Variants in KIF3B observed in about 807,000 individuals in gnomAD.
The protein encoded by KIF3B is kinesin family member 3B.
Under a neutral mutation model 74.3 loss-of-function variants are expected in KIF3B, and 38 were observed. The observed-to-expected ratio is 0.51, with a 90% confidence interval of 0.39 to 0.67. KIF3B has a LOEUF of 0.67. Among genes scored for constraint, KIF3B ranks in the 30% least tolerant of loss-of-function variants. The pLI, the probability that KIF3B is intolerant of heterozygous loss-of-function variation, is 0.00. For synonymous variants in KIF3B, 326 were observed against 342.5 expected (o/e 0.95, Z 0.53); for missense variants, 649 against 932.0 (o/e 0.70, Z 3.95).
intron 1 of KIF3B, among the ~76,000 whole-genome samples, chr20:32,287,434 A>T (rs962427324): frequency 2.5e-4 from 38 of 151,564 alleles, no homozygotes; most frequent in Non-Finnish European, 4.9e-4. Context: ...TGGTCCTTCC[A>T]CCTCAGCTTC....
chr20:32,281,383 C>T (rs1363331430), intron 1 of KIF3B, among the ~76,000 whole-genome samples: 1 of 152,164 alleles, frequency 6.6e-6, no homozygotes, highest in Non-Finnish European at 1.5e-5. Flanking sequence ...TTCCTGAGCA[C>T]CTAGAATGTG....
At chr20:32,318,149 A>C (rs1344511335) in intron 5 of KIF3B, among the ~76,000 whole-genome samples, 1 of 151,996 alleles carries the variant, frequency 6.6e-6, no homozygotes, top group Non-Finnish European at 1.5e-5. Flanking sequence ...TAAAAATCCA[A>C]AAATTAGCTG....
At chr20:32,327,395 T>C (rs573089399) in intron 6 of KIF3B, among the ~76,000 whole-genome samples, 161 bp from the exon 7 acceptor site, 2 of 152,258 alleles carry the variant, frequency 1.3e-5, no homozygotes, top group African/African-American at 4.8e-5. Context: ...CATGATGCTC[T>C]GAATCAGAAA....
At position 32,334,237 on chromosome 20, in the gene KIF3B, G is replaced by T. The variant is rs1339446034; in HGVS notation, c.*2918G>T. On this transcript the variant is annotated 3_prime_UTR_variant, in exon 9 of 9. Transcript: ENST00000375712. ...CTGGCTTCATATTTTCAAGTCACAT[G>T]TCTCTCAGACCCCTGGATTCAGAAC... 1 of 152,708 alleles carries T rather than the reference G, an allele frequency of 6.5e-6. No homozygotes were observed. The highest frequency in any genetic ancestry group is 1.5e-5 in the Non-Finnish European group (1 of 68,142). The allele number at this position is 152,708 out of a possible 1,614,324, so 9.5% of individuals were successfully genotyped here.
rs760030482 is a variant in KIF3B at position 32,331,205 on chromosome 20, T to C, written c.2148-18T>C. On this transcript the variant is annotated intron_variant, in intron 8 of 8. Coordinates refer to ENST00000375712, the MANE Select transcript of KIF3B (RefSeq NM_004798.4). The stretch of plus-strand genomic sequence containing the variant: ...GAGATGGGGACATGTAATATAAACA[T>C]GTGTTTGACTTTTGCAGGCCTAAAA... 1 of 1,570,520 alleles carries C rather than the reference T, an allele frequency of 6.4e-7. No homozygotes were observed. The highest frequency in any genetic ancestry group is 2.3e-5 in the East Asian group (1 of 43,856).
At chr20:32,308,680 G>GGATTACA (rs2047784471) in intron 1 of KIF3B, among the ~76,000 whole-genome samples, 1 of 151,984 alleles carries the variant, frequency 6.6e-6, no homozygotes, top group Admixed American at 6.6e-5. Flanking sequence ...CAAAGTGCTG[G>GGATTACA]GATTACAGGC....
chr20:32,307,867 C>A (rs879812925), intron 1 of KIF3B, among the ~76,000 whole-genome samples: 1 of 144,942 alleles, frequency 6.9e-6, no homozygotes, highest in African/African-American at 2.6e-5. Context: ...TGCAGTGAGC[C>A]GAGATCGTGC....
At position 32,326,764 on chromosome 20, in the gene KIF3B, C is replaced by T. The variant is rs776850118; in HGVS notation, c.1749-7C>T. The T allele has an allele frequency of 7.2e-6, 8 of 1,109,846 alleles. No individual in the cohort carries two copies. In the African/African-American group the frequency reaches 1.1e-4, roughly 15 times the overall value. The allele number at this position is 1,109,846 out of a possible 1,614,324, so 68.7% of individuals were successfully genotyped here. A position where few individuals can be genotyped will look rare whatever the true frequency, so the allele number is the denominator to read the frequency against. On this transcript the variant is annotated splice_region_variant and splice_polypyrimidine_tract_variant and intron_variant, in intron 5 of 8. Transcript: ENST00000375712. ...TCTGTTTTCACCTGTTATGTGTGCT[C>T]TTACAGGCATCTTATTATAGAAAAC...
At chr20:32,312,739 T>A (rs1395270038) in intron 2 of KIF3B, among the ~76,000 whole-genome samples, 5 of 152,310 alleles carry the variant, frequency 3.3e-5, no homozygotes, top group Admixed American at 3.3e-4. Flanking sequence ...CTGCTGTGAA[T>A]GCTCTTGTGC....
At chr20:32,280,737 A>G (rs963645038) in intron 1 of KIF3B, among the ~76,000 whole-genome samples, 33 of 151,128 alleles carry the variant, frequency 2.2e-4, no homozygotes, top group East Asian at 3.9e-4. Context: ...AAAAAAAAAA[A>G]AAAGAAAGAA....
intron 1 of KIF3B, among the ~76,000 whole-genome samples, chr20:32,296,934 G>A (rs2047719820): frequency 1.3e-5 from 2 of 152,068 alleles, no homozygotes; most frequent in South Asian, 4.2e-4. Flanking sequence ...GTGGTTCAGG[G>A]ATTGCAAACA....
In KIF3B at chr20:32,326,852, T is replaced by C; in HGVS notation, c.1830T>C (p.Asp610=). 1 of 1,589,434 alleles carries C rather than the reference T, an allele frequency of 6.3e-7. No homozygotes were observed. Among genetic ancestry groups the C allele is most frequent in the Non-Finnish European group, 8.6e-7 (1 of 1,160,136 alleles). Reference sequence around the variant, plus strand: ...GAGCCTTCTTTGATGAAGAGGAAGATCATTGGAAACTACATCCTATAACCA... The same window carrying C: ...GAGCCTTCTTTGATGAAGAGGAAGACCATTGGAAACTACATCCTATAACCA... The part of the protein sequence containing the change: ...MNRAFFDEEE[D]HWKLHPITRL... Residue 610 remains aspartate (D), a synonymous_variant, in exon 6 of 9, where the codon GAT becomes GAC. Transcript: ENST00000375712.
chr20:32,292,028 T>A (rs2047693981), intron 1 of KIF3B, among the ~76,000 whole-genome samples: 1 of 152,072 alleles, frequency 6.6e-6, no homozygotes, highest in African/African-American at 2.4e-5. Flanking sequence ...AGCAAACTCC[T>A]GGGCTCAAGT....
chr20:32,307,865 G>T (rs896489955), intron 1 of KIF3B, among the ~76,000 whole-genome samples: 8 of 149,240 alleles, frequency 5.4e-5, no homozygotes, highest in African/African-American at 2.0e-4. Context: ...CTTGCAGTGA[G>T]CCGAGATCGT....
intron 1 of KIF3B, among the ~76,000 whole-genome samples, chr20:32,290,301 T>C (rs553465441): frequency 1.1e-4 from 16 of 152,148 alleles, no homozygotes; most frequent in African/African-American, 3.9e-4. Context: ...GAGAATCCCT[T>C]GAACCTGGGA....
intron 5 of KIF3B, among the ~76,000 whole-genome samples, chr20:32,324,178 T>A (rs1352493293): frequency 6.6e-6 from 1 of 152,082 alleles, no homozygotes; most frequent in Non-Finnish European, 1.5e-5. Context: ...ATGGTGTCAA[T>A]TAACTTGTAT....
chr20:32,279,908 C>T (rs1400217575), intron 1 of KIF3B, among the ~76,000 whole-genome samples: 3 of 152,218 alleles, frequency 2.0e-5, no homozygotes, highest in Non-Finnish European at 2.9e-5. Flanking sequence ...ACTACCTGGA[C>T]TAAAATCTTG....
intron 4 of KIF3B, 47 bp downstream of exon 4, chr20:32,316,696 A>G: frequency 1.2e-6 from 2 of 1,613,998 alleles, no homozygotes; most frequent in Admixed American, 1.7e-5. Context: ...GACTTGGGGA[A>G]AGGGAGAACT....
rs143483986 is a variant in KIF3B at position 32,330,241 on chromosome 20, C to T, written c.2069C>T (p.Ala690Val). 3.4e-4 allele frequency: 546 copies of T among 1,613,894 alleles called. 3 individuals carry two copies. Among genetic ancestry groups the T allele is most frequent in the Middle Eastern group, 1.6e-3 (10 of 6,062 alleles). Reference protein sequence around the residue: ...IAPKVQAALDAALQDEDEIQV... With the variant: ...IAPKVQAALDVALQDEDEIQV... ...CCCAAGGTCCAGGCTGCATTGGATG[C>T]GGCTCTGCAGGATGAAGATGAGATA... Residue 690 changes from alanine to valine, a missense_variant, in exon 8 of 9, where the codon GCG becomes GTG. This residue lies in a region of KIF3B where 186 missense variants were observed against 198.5 expected (regional missense o/e 0.94). Transcript: ENST00000375712.
Sources: allele counts gnomAD v4.1 joint callset (sites outside exome capture counted in the v4.1 genomes callset), GRCh38; gene constraint gnomAD v4.1.1; regional missense constraint gnomAD v4.1.1; transcripts MANE v1.5; gene names NCBI Gene and HGNC (gene_info 2026-07-23, HGNC 2026-07-21).